Variants in THEM6 observed in about 807,000 individuals in gnomAD.
THEM6 encodes the protein thioesterase superfamily member 6.
THEM6 carries 10 observed loss-of-function variants against 13.7 expected under a neutral mutation model. That is an observed-to-expected ratio of 0.73 (90% CI 0.45 to 1.24). The LOEUF (loss-of-function observed/expected upper bound fraction) is 1.24, where lower values mean the gene tolerates loss of function less well. Among genes scored for constraint, THEM6 ranks in the 50% most tolerant of loss-of-function variants. The probability of loss-of-function intolerance (pLI) is 0.00; values close to 1 mark genes in which losing one functional copy is unlikely to be tolerated. For synonymous variants in THEM6, 161 were observed against 156.0 expected (o/e 1.03, Z -0.24); for missense variants, 317 against 312.6 (o/e 1.01, Z -0.11).
At chr8:142,728,555 C>G (rs1010628547) in intron 1 of THEM6, among the ~76,000 whole-genome samples, 3 of 152,228 alleles carry the variant, frequency 2.0e-5, no homozygotes, top group Admixed American at 2.0e-4. Context: ...GGCCTGTGCA[C>G]CCCTGGTGTG....
At chr8:142,730,071 G>A (rs1815608703) in intron 1 of THEM6, among the ~76,000 whole-genome samples, 1 of 152,214 alleles carries the variant, frequency 6.6e-6, no homozygotes, top group Non-Finnish European at 1.5e-5. Context: ...GTTAGTTACA[G>A]TAATAACAAA....
chr8:142,730,243 G>A (rs1192243889), intron 1 of THEM6, among the ~76,000 whole-genome samples: 23 of 152,082 alleles, frequency 1.5e-4, no homozygotes, highest in African/African-American at 4.8e-4. Context: ...TTGGCTCTGC[G>A]GATGGCAGTC....
intron 1 of THEM6, among the ~76,000 whole-genome samples, chr8:142,733,052 A>G (rs1439127295): frequency 2.0e-5 from 3 of 152,212 alleles, no homozygotes; most frequent in African/African-American, 7.2e-5. Context: ...TTATAACCTG[A>G]CGCGTCCACC....
chr8:142,730,775 T>C (rs1406835785), intron 1 of THEM6, among the ~76,000 whole-genome samples: 3 of 151,810 alleles, frequency 2.0e-5, no homozygotes, highest in Non-Finnish European at 2.9e-5. Context: ...GACAGAGTCT[T>C]GCTCTGTCGC....
At chr8:142,734,729 C>G (rs1201658595) in intron 1 of THEM6, 1 of 154,454 alleles carries the variant, frequency 6.5e-6, no homozygotes, top group East Asian at 1.9e-4. Context: ...CCTCTGTGTG[C>G]TGCTCACCCT....
rs1053578200 is a variant in THEM6 at position 142,727,528 on chromosome 8, T to C, written c.182T>C (p.Leu61Pro). 13 of 1,578,874 alleles carry C rather than the reference T, an allele frequency of 8.2e-6. No homozygotes were observed. The highest frequency in any genetic ancestry group is 1.0e-5 in the Non-Finnish European group (12 of 1,170,910). ...PGRVLPSDLDLLLHMNNARYL... is the reference protein window; with the variant it reads ...PGRVLPSDLDPLLHMNNARYL... The stretch of plus-strand genomic sequence containing the variant: ...CGCGTGCTGCCCTCGGACTTGGACC[T>C]GCTGCTGCACATGAACAACGCGCGC... Residue 61 changes from leucine to proline, a missense_variant, in exon 1 of 2, where the codon CTG (leucine) becomes CCG (proline). Transcript: ENST00000336138.
chr8:142,735,405 A>G lies in THEM6; in HGVS notation c.593A>G (p.Glu198Gly). 6.3e-7 allele frequency: 1 copy of G among 1,584,136 alleles called. No individual in the cohort carries two copies. The change falls in exon 2 of 2, where the codon GAG (glutamate) becomes GGG (glycine). Residue 198 changes from glutamate (E) to glycine (G), a missense_variant. Glu to Gly is a moderately conservative substitution (Grantham distance 98, BLOSUM62 -2). Transcript: ENST00000336138. ...NEASSQLLRM[E>G]SGLSDVTKDQ ...GCCAGCAGCCAGCTGCTCCGCATGG[A>G]GAGTGGGCTCAGTGATGTCACCAAG...
rs1158424621 is a variant in THEM6 at position 142,732,200 on chromosome 8, ATATATATT to A, written c.514-3124_514-3117del. Among the ~76,000 whole-genome samples, 168 of 103,422 alleles carry A rather than the reference ATATATATT, an allele frequency of 1.6e-3. 2 individuals are homozygous for A. Among genetic ancestry groups the A allele is most frequent in the Middle Eastern group, 9.4e-3 (2 of 212 alleles). 67.8% of individuals were successfully genotyped at this position (103,422 alleles called of 152,430 possible). A position where few individuals can be genotyped will look rare whatever the true frequency, so the allele number is the denominator to read the frequency against. ...TATATATATATATATATATATATAT[ATATATATT>A]TTAACTACTGGAGGTTTGTGTGAGG... On this transcript the variant is annotated intron_variant, in intron 1 of 1. Transcript: ENST00000336138.
chr8:142,735,061 C>A, intron 1 of THEM6: 1 of 464,132 alleles, frequency 2.2e-6, no homozygotes, highest in Non-Finnish European at 3.9e-6. Context: ...CCTCTCTGCC[C>A]TTCCCAACCT....
intron 1 of THEM6, among the ~76,000 whole-genome samples, chr8:142,728,650 C>T (rs1815571298): frequency 6.6e-6 from 1 of 152,216 alleles, no homozygotes. Flanking sequence ...CCTGATGTTA[C>T]AGGAAAGGGA....
At chr8:142,728,823 C>G (rs782469337) in intron 1 of THEM6, among the ~76,000 whole-genome samples, 1 of 152,174 alleles carries the variant, frequency 6.6e-6, no homozygotes, top group South Asian at 2.1e-4. Context: ...GGAACGCGTC[C>G]ACCCTAGGTG....
chr8:142,729,921 C>T (rs1304897117), intron 1 of THEM6, among the ~76,000 whole-genome samples: 8 of 152,118 alleles, frequency 5.3e-5, no homozygotes, highest in Admixed American at 3.3e-4. Flanking sequence ...CAGGTCATTA[C>T]GATAATGAGA....
intron 1 of THEM6, among the ~76,000 whole-genome samples, chr8:142,732,204 A>ATATATATATATATATG (rs1382315215): frequency 2.4e-4 from 25 of 102,680 alleles, no homozygotes; most frequent in African/African-American, 1.1e-3. Flanking sequence ...ATATATATAT[A>ATATATATATATATATG]TATTTTAACT....
Position 142,727,385 on chromosome 8 carries a change from C to A in THEM6, c.39C>A (p.Leu13=). 6.6e-7 allele frequency: 1 copy of A among 1,526,216 alleles called. No homozygotes were observed. The allele number at this position is 1,526,216 out of a possible 1,614,324, so 94.5% of individuals were successfully genotyped here. A position where few individuals can be genotyped will look rare whatever the true frequency, so the allele number is the denominator to read the frequency against. The part of the protein sequence containing the change: ...GLLVALLALG[L]AVFALLDVWY... ...TGGTGGCGTTGCTGGCCCTGGGGCT[C>A]GCTGTCTTTGCGCTGCTGGACGTCT... The change falls in exon 1 of 2, where the codon CTC becomes CTA. Residue 13 remains leucine, a synonymous_variant. Transcript: ENST00000336138.
intron 1 of THEM6, among the ~76,000 whole-genome samples, chr8:142,728,932 ATTTTC>A (rs1250440615): frequency 1.0e-5 from 1 of 99,154 alleles, no homozygotes; most frequent in African/African-American, 4.0e-5. Context: ...CAATATTACT[ATTTTC>A]TTTTTTTTTT....
intron 1 of THEM6, among the ~76,000 whole-genome samples, chr8:142,728,145 G>A (rs1815556229): frequency 6.6e-6 from 1 of 152,154 alleles, no homozygotes; most frequent in Non-Finnish European, 1.5e-5. Flanking sequence ...TCACGGTTTC[G>A]TGTTCACCCC....
chr8:142,735,203 A>C, intron 1 of THEM6, 123 bp from the exon 2 acceptor site: 1 of 721,802 alleles, frequency 1.4e-6, no homozygotes, highest in South Asian at 1.7e-5. Flanking sequence ...AGGCATGGGC[A>C]AAGCATGGCA....
At chr8:142,735,185 G>T in intron 1 of THEM6, 141 bp from the exon 2 acceptor site, 1 of 661,340 alleles carries the variant, frequency 1.5e-6, no homozygotes, top group Non-Finnish European at 2.7e-6. Flanking sequence ...AGTGTGCAGA[G>T]CCTGGGGAGG....
chr8:142,735,141 G>T, intron 1 of THEM6, 185 bp from the exon 2 acceptor site: 1 of 594,124 alleles, frequency 1.7e-6, no homozygotes, highest in Admixed American at 2.7e-5. Flanking sequence ...GCACAAGCGG[G>T]GCTGTGTCAA....
Sources: gnomAD v4.1 joint callset for allele counts (sites outside exome capture counted in the v4.1 genomes callset) on GRCh38, gnomAD v4.1.1 for gene constraint, MANE v1.5 for transcripts, NCBI Gene and HGNC (gene_info 2026-07-23, HGNC 2026-07-21) for gene names.